The following ZMIZ1 variants were observed in gnomAD, a reference collection of about 807,000 sequenced individuals.
ZMIZ1 encodes the protein zinc finger MIZ domain-containing protein 1.
Under a neutral mutation model 113.9 loss-of-function variants are expected in ZMIZ1, and 17 were observed. The observed-to-expected ratio is 0.15, with a 90% CI of 0.10 to 0.22. The LOEUF (loss-of-function observed/expected upper bound fraction) is 0.22. Ranked by LOEUF, ZMIZ1 falls within the 10% of genes least tolerant of loss-of-function variation. The pLI, the probability that ZMIZ1 is intolerant of heterozygous loss-of-function variation, is 1.00. For missense variants in ZMIZ1, 1,059 were observed against 1,477.8 expected, an observed-to-expected ratio of 0.72 and a Z score of 4.65; for synonymous variants, 607 against 603.1, an observed-to-expected ratio of 1.01 and a Z score of -0.09.
At chr10:79,110,350 G>A (rs1022580475) in intron 1 of ZMIZ1, among the ~76,000 whole-genome samples, 2 of 152,174 alleles carry the variant, frequency 1.3e-5, no homozygotes, top group Non-Finnish European at 2.9e-5. Flanking sequence ...GTGGCCACTC[G>A]GTCTGGAAGG....
intron 2 of ZMIZ1, 43 bp downstream of exon 2, chr10:79,119,067 A>G (rs1309112320): frequency 2.0e-5 from 3 of 152,332 alleles, no homozygotes; most frequent in East Asian, 1.9e-4. Context: ...GCACCTGCTG[A>G]CGTGGGGCAG....
At chr10:79,071,450 T>C (rs910879807) in intron 1 of ZMIZ1, among the ~76,000 whole-genome samples, 2 of 152,236 alleles carry the variant, frequency 1.3e-5, no homozygotes, top group Non-Finnish European at 1.5e-5. Flanking sequence ...CCGGGCAGCT[T>C]GGCGCTGGTG....
intron 7 of ZMIZ1, among the ~76,000 whole-genome samples, chr10:79,218,759 G>T (rs1848842486): frequency 6.6e-6 from 1 of 152,154 alleles, no homozygotes; most frequent in South Asian, 2.1e-4. Context: ...TGAAGAAAAA[G>T]AGAAAGAGCG....
In ZMIZ1 at chr10:79,162,035, C is replaced by T; in HGVS notation, c.-130-18C>T. The T allele has an allele frequency of 2.5e-6, 1 of 399,150 alleles. No homozygotes were observed. The highest frequency in any genetic ancestry group is 2.1e-5 in the African/African-American group (1 of 48,770). 24.7% of individuals were successfully genotyped at this position (399,150 alleles called of 1,614,324 possible). On this transcript the variant is annotated intron_variant, in intron 3 of 24. Transcript: ENST00000334512. ...CTCTACTGTGGGTAGACCCGCTGAC[C>T]TCCCACTTTCATTGCAGCAGGATGG...
intron 1 of ZMIZ1, among the ~76,000 whole-genome samples, chr10:79,104,408 G>C (rs148001241): frequency 6.6e-6 from 1 of 152,166 alleles, no homozygotes; most frequent in South Asian, 2.1e-4. Flanking sequence ...GGGTCAGAGG[G>C]ACCAGATTAC....
chr10:79,167,633 A>C (rs1440057722), intron 4 of ZMIZ1, among the ~76,000 whole-genome samples: 2 of 152,174 alleles, frequency 1.3e-5, no homozygotes, highest in African/African-American at 2.4e-5. Context: ...CACACCGCCC[A>C]CAGTAGATTT....
chr10:79,161,298 G>A (rs1449110891), intron 3 of ZMIZ1, among the ~76,000 whole-genome samples: 1 of 152,122 alleles, frequency 6.6e-6, no homozygotes. Context: ...TCCTAAACTA[G>A]AACTAGGGTC....
chr10:79,206,658 C>T (rs1287705472), intron 5 of ZMIZ1, among the ~76,000 whole-genome samples: 2 of 152,234 alleles, frequency 1.3e-5, no homozygotes, highest in African/African-American at 4.8e-5. Context: ...AGAGCGGCCA[C>T]ATGCAGCTGT....
At chr10:79,136,039 C>A (rs1844994418) in intron 2 of ZMIZ1, among the ~76,000 whole-genome samples, 1 of 152,172 alleles carries the variant, frequency 6.6e-6, no homozygotes, top group Admixed American at 6.5e-5. Flanking sequence ...GGCACTGCTC[C>A]TAGGGGGCCA....
intron 3 of ZMIZ1, among the ~76,000 whole-genome samples, chr10:79,154,477 A>G (rs1171649782): frequency 6.6e-6 from 1 of 152,210 alleles, no homozygotes; most frequent in East Asian, 1.9e-4. Flanking sequence ...AGAGGCCACC[A>G]GCAGGAAATT....
chr10:79,087,180 C>T (rs1225559206), intron 1 of ZMIZ1, among the ~76,000 whole-genome samples: 1 of 152,248 alleles, frequency 6.6e-6, no homozygotes, highest in East Asian at 1.9e-4. Flanking sequence ...ATGTTGCGCA[C>T]TGCACAAGTT....
chr10:79,266,838 C>T (rs369066919), intron 7 of ZMIZ1, among the ~76,000 whole-genome samples: 11 of 152,224 alleles, frequency 7.2e-5, no homozygotes, highest in African/African-American at 2.7e-4. Flanking sequence ...AGCCTCCAGC[C>T]GGGCAGAGTA....
intron 8 of ZMIZ1, among the ~76,000 whole-genome samples, chr10:79,279,023 G>A (rs529465379): frequency 4.9e-4 from 74 of 151,368 alleles, no homozygotes; most frequent in African/African-American, 1.6e-3. Context: ...CCGGGCAGAG[G>A]CGCCACCCAC....
At chr10:79,287,134 T>A (rs189421258) in intron 8 of ZMIZ1, among the ~76,000 whole-genome samples, 3 of 152,322 alleles carry the variant, frequency 2.0e-5, no homozygotes, top group African/African-American at 7.2e-5. Flanking sequence ...AGAGCCTCCC[T>A]GTGAGACTCT....
chr10:79,286,492 A>G (rs1853087610), intron 8 of ZMIZ1, among the ~76,000 whole-genome samples: 1 of 152,234 alleles, frequency 6.6e-6, no homozygotes, highest in South Asian at 2.1e-4. Flanking sequence ...GTGTGGAGGC[A>G]AGCTAGTCCT....
At position 79,303,904 on chromosome 10, in the gene ZMIZ1, G is replaced by A. The variant is rs1854507208; in HGVS notation, c.2126-111G>A. On this transcript the variant is annotated intron_variant, in intron 18 of 24. Transcript: ENST00000334512. ...CTCAGCGTTTGGTGTGGGCTGGGAG[G>A]AGAACCAGGACATGCCCCAGCTGCA... The A allele has an allele frequency of 5.5e-6, 8 of 1,461,194 alleles. No individual in the cohort carries two copies. In the South Asian group the frequency reaches 8.7e-5, roughly 16 times the overall value. 90.5% of individuals were successfully genotyped at this position (1,461,194 alleles called of 1,614,324 possible).
At chr10:79,105,629 G>A (rs1238821543) in intron 1 of ZMIZ1, among the ~76,000 whole-genome samples, 1 of 152,196 alleles carries the variant, frequency 6.6e-6, no homozygotes, top group Non-Finnish European at 1.5e-5. Context: ...GAGAGCACCT[G>A]CAGGACCCGG....
At chr10:79,200,405 T>C (rs1279729494) in intron 4 of ZMIZ1, among the ~76,000 whole-genome samples, 2 of 152,176 alleles carry the variant, frequency 1.3e-5, no homozygotes, top group Admixed American at 6.5e-5. Flanking sequence ...GCCTGGGGAC[T>C]CCCAGGGCTT....
At chr10:79,154,430 A>G (rs1050827616) in intron 3 of ZMIZ1, among the ~76,000 whole-genome samples, 2 of 152,114 alleles carry the variant, frequency 1.3e-5, no homozygotes, top group Non-Finnish European at 2.9e-5. Flanking sequence ...GTTGGCACCA[A>G]GCAGAGTGGG....
Sources: allele counts gnomAD v4.1 joint callset (sites outside exome capture counted in the v4.1 genomes callset), GRCh38; gene constraint gnomAD v4.1.1; transcripts MANE v1.5; gene names NCBI Gene and HGNC (gene_info 2026-07-23, HGNC 2026-07-21).